PTK2: variants seen among roughly 807,000 people sequenced by gnomAD.
The protein encoded by PTK2 is protein tyrosine kinase 2.
A neutral mutation model predicts 150.1 loss-of-function variants in PTK2; 45 were observed. The ratio of observed to expected loss-of-function variants is 0.30; its 90% CI spans 0.24 to 0.38. PTK2 has a LOEUF of 0.38. PTK2 is among the 10% of genes least tolerant of loss of function. The pLI, the probability that PTK2 is intolerant of heterozygous loss-of-function variation, is 1.00. For missense variants in PTK2, 919 were observed against 1,307.3 expected (o/e 0.70, Z 4.58); for synonymous variants, 432 against 449.2 (o/e 0.96, Z 0.48).
intron 10 of PTK2, among the ~76,000 whole-genome samples, chr8:140,806,267 G>C (rs571828472): frequency 3.2e-4 from 49 of 152,278 alleles, no homozygotes; most frequent in Admixed American, 5.9e-4. Context: ...TGCTGTTTTT[G>C]AAGTTTTATT....
chr8:140,676,765 T>TAAAAAAAAAAAAAA lies in PTK2; in HGVS notation c.2563-1280_2563-1267dup, dbSNP rs869199304. Among the ~76,000 whole-genome samples, 20 of 55,570 alleles carry TAAAAAAAAAAAAAA rather than the reference T, an allele frequency of 3.6e-4. 2 individuals carry two copies. Among genetic ancestry groups the TAAAAAAAAAAAAAA allele is most frequent in the African/African-American group, 8.5e-4 (10 of 11,746 alleles). 36.5% of individuals were successfully genotyped at this position (55,570 alleles called of 152,430 possible). On this transcript the variant is annotated intron_variant, in intron 27 of 31. Coordinates refer to ENST00000522684, the Ensembl canonical transcript of PTK2. The stretch of plus-strand genomic sequence containing the variant: ...ACATGGTGAAACCCCGTCTCTACTT[T>TAAAAAAAAAAAAAA]AAAAAAAAAAAAAAAAAAAAAAAAT...
intron 10 of PTK2, among the ~76,000 whole-genome samples, chr8:140,809,721 G>T (rs987652994): frequency 6.6e-6 from 1 of 152,176 alleles, no homozygotes; most frequent in Admixed American, 6.5e-5. Context: ...CAGGAGAACT[G>T]CTTGAGCCCA....
At chr8:140,917,842 G>A (rs2100165915) in intron 2 of PTK2, among the ~76,000 whole-genome samples, 1 of 152,176 alleles carries the variant, frequency 6.6e-6, no homozygotes, top group Non-Finnish European at 1.5e-5. Flanking sequence ...TACAAGACCA[G>A]AAGAAAAGGA....
At chr8:140,786,171 C>T (rs1784525381) in intron 14 of PTK2, among the ~76,000 whole-genome samples, 1 of 152,124 alleles carries the variant, frequency 6.6e-6, no homozygotes, top group Admixed American at 6.6e-5. Flanking sequence ...TCTTCAATCC[C>T]GCAGGGCTTG....
intron 3 of PTK2, among the ~76,000 whole-genome samples, chr8:140,886,166 G>A (rs975531080): frequency 1.3e-5 from 2 of 152,182 alleles, no homozygotes; most frequent in African/African-American, 4.8e-5. Flanking sequence ...AGGAATAAAA[G>A]ACGATTGCAA....
intron 2 of PTK2, among the ~76,000 whole-genome samples, chr8:140,894,102 G>A (rs1225036678): frequency 6.6e-6 from 1 of 152,166 alleles, no homozygotes; most frequent in Non-Finnish European, 1.5e-5. Context: ...TTACAAGGTA[G>A]GGTCTTTTGG....
At chr8:140,973,501 TAA>T (rs879832610) in intron 1 of PTK2, among the ~76,000 whole-genome samples, 2 of 142,502 alleles carry the variant, frequency 1.4e-5, no homozygotes, top group African/African-American at 2.6e-5. Context: ...CACACACACG[TAA>T]AAAAAAAAAG....
intron 23 of PTK2, among the ~76,000 whole-genome samples, chr8:140,709,239 T>C (rs533242740): frequency 3.9e-5 from 6 of 152,168 alleles, no homozygotes; most frequent in East Asian, 1.9e-4. Flanking sequence ...ACAAAACAAA[T>C]AGATCAGAGA....
At position 140,977,269 on chromosome 8, in the gene PTK2, G is replaced by A. The variant is rs117211001; in HGVS notation, c.-122+23856C>T. ...GCCAGGTGTGGTAATGTGTACACCT[G>A]CTAGTCCCAGAAACTCAGAAGGCTG... On this transcript the variant is annotated intron_variant, in intron 1 of 31. Coordinates refer to ENST00000522684, the Ensembl canonical transcript of PTK2. Among the ~76,000 whole-genome samples the A allele has an allele frequency of 3.6e-4, 55 of 152,216 alleles. No individual in the cohort carries two copies. The East Asian group carries it at 7.0e-3, about 19-fold the overall frequency.
chr8:140,973,276 G>C (rs2100188030), intron 1 of PTK2, among the ~76,000 whole-genome samples: 1 of 152,136 alleles, frequency 6.6e-6, no homozygotes, highest in Non-Finnish European at 1.5e-5. Flanking sequence ...AGCTGTCTTT[G>C]TTTACCTGGG....
chr8:140,659,059 G>A (rs2075916852), exon 32 of PTK2: 1 of 233,820 alleles, frequency 4.3e-6, no homozygotes, highest in South Asian at 1.7e-4. Context: ...TGGGTTTCCT[G>A]GAATTCTTTG....
At chr8:140,790,853 G>A (rs1414613803) in intron 13 of PTK2, among the ~76,000 whole-genome samples, 1 of 152,026 alleles carries the variant, frequency 6.6e-6, no homozygotes, top group Non-Finnish European at 1.5e-5. Context: ...TATATTTATT[G>A]GGCAGTCAGA....
chr8:140,700,013 C>T (rs929267696), intron 26 of PTK2, among the ~76,000 whole-genome samples: 3 of 152,034 alleles, frequency 2.0e-5, no homozygotes, highest in Non-Finnish European at 2.9e-5. Context: ...AAACCTGAAC[C>T]GATGAAGCAT....
intron 16 of PTK2, among the ~76,000 whole-genome samples, chr8:140,752,805 A>G (rs1378543869): frequency 1.3e-5 from 2 of 152,230 alleles, no homozygotes; most frequent in African/African-American, 4.8e-5. Context: ...ATGAGACAAG[A>G]GCAAAAAAAC....
chr8:140,693,264 G>C (rs2100024270), intron 26 of PTK2, among the ~76,000 whole-genome samples: 1 of 152,062 alleles, frequency 6.6e-6, no homozygotes, highest in African/African-American at 2.4e-5. Context: ...CAAGAAAAGG[G>C]AGTGTGGGGC....
chr8:140,930,296 A>C (rs531149360), intron 1 of PTK2, among the ~76,000 whole-genome samples: 2 of 152,304 alleles, frequency 1.3e-5, no homozygotes, highest in East Asian at 3.9e-4. Context: ...GAAACATATC[A>C]AAAAAATAAG....
intron 22 of PTK2, chr8:140,734,597 G>A: frequency 1.5e-5 from 6 of 398,044 alleles, no homozygotes; most frequent in South Asian, 3.7e-5. Context: ...ATGTCCCTGC[G>A]TGCTTCCTCC....
intron 2 of PTK2, among the ~76,000 whole-genome samples, chr8:140,897,604 G>A (rs2100156805): frequency 6.6e-6 from 1 of 152,170 alleles, no homozygotes; most frequent in Non-Finnish European, 1.5e-5. Context: ...TGGCATCTGG[G>A]TCACCTCTTT....
At chr8:140,748,607 A>C (rs1051722477) in intron 17 of PTK2, among the ~76,000 whole-genome samples, 20 of 151,820 alleles carry the variant, frequency 1.3e-4, no homozygotes, top group African/African-American at 4.4e-4. Flanking sequence ...CTGTACTACT[A>C]CTCTCAGGAG....
Sources: gnomAD v4.1 joint callset for allele counts (sites outside exome capture counted in the v4.1 genomes callset) on GRCh38, gnomAD v4.1.1 for gene constraint, MANE v1.5 for transcripts, NCBI Gene and HGNC (gene_info 2026-07-23, HGNC 2026-07-21) for gene names.